AHNAK: variants seen among roughly 807,000 people sequenced by gnomAD.
AHNAK encodes the protein neuroblast differentiation-associated protein AHNAK.
A neutral mutation model predicts 37.8 loss-of-function variants in AHNAK; 23 were observed. The ratio of observed to expected loss-of-function variants is 0.61; its 90% CI spans 0.44 to 0.86. The LOEUF (loss-of-function observed/expected upper bound fraction) is 0.86. Among genes scored for constraint, AHNAK ranks in the 40% least tolerant of loss-of-function variants. AHNAK has a pLI of 0.00. For missense variants in AHNAK, 7,411 were observed against 7,319.4 expected (o/e 1.01, Z -0.46); for synonymous variants, 2,481 against 2,636.3 (o/e 0.94, Z 1.80).
At position 62,524,287 on chromosome 11, in the gene AHNAK, T is replaced by G; in HGVS notation, c.10130A>C (p.Asp3377Ala). The change falls in exon 5 of 5, where the codon GAT becomes GCT. Residue 3377 changes from aspartate (D) to alanine (A), a missense_variant. Coordinates refer to ENST00000378024, the MANE Select transcript of AHNAK (RefSeq NM_001620.3). ...PEVDVKGKKP[D>A]IDITGPKVDI... The stretch of plus-strand genomic sequence containing the variant: ...AACTTTTGGACCTGTTATGTCAATA[T>G]CTGGCTTTTTACCTTTGACATCCAC... The G allele has an allele frequency of 6.2e-7, 1 of 1,613,958 alleles. No homozygotes were observed. Among genetic ancestry groups the G allele is most frequent in the Non-Finnish European group, 8.5e-7 (1 of 1,179,992 alleles).
chr11:62,525,391 G>A lies in AHNAK; in HGVS notation c.9026C>T (p.Pro3009Leu), dbSNP rs199651989. The change falls in exon 5 of 5, where the codon CCG (proline) becomes CTG (leucine). Residue 3009 changes from proline to leucine, a missense_variant. Pro to Leu is a moderately conservative substitution (Grantham distance 98). Coordinates refer to ENST00000378024, the MANE Select transcript of AHNAK (RefSeq NM_001620.3). Reference protein sequence around the residue: ...IRGPQVDIDVPDVGVQGPDWH... With the variant: ...IRGPQVDIDVLDVGVQGPDWH... ...GTCTGGGCCTTGAACGCCCACATCCGGGACATCAATGTCCACTTGGGGACC... is the reference window on the plus strand; with the variant it reads ...GTCTGGGCCTTGAACGCCCACATCCAGGACATCAATGTCCACTTGGGGACC... 1.3e-4 allele frequency: 207 copies of A among 1,613,212 alleles called. No individual in the cohort carries two copies. In the East Asian group the frequency reaches 2.4e-3, roughly 19 times the overall value.
In AHNAK at chr11:62,533,661, C is replaced by A. The variant is rs151020049; in HGVS notation, c.756G>T (p.Lys252Asn). 6.2e-7 allele frequency: 1 copy of A among 1,614,126 alleles called. No homozygotes were observed. Reference protein sequence around the residue: ...SKLQVTMPGIKVGGSGVNVNA... With the variant: ...SKLQVTMPGINVGGSGVNVNA... ...TGACATTGACACCTGAGCCTCCCACCTTTATCCCAGGCATGGTGACCTGGA... is the reference window on the plus strand; with the variant it reads ...TGACATTGACACCTGAGCCTCCCACATTTATCCCAGGCATGGTGACCTGGA... The change falls in exon 5 of 5, where the codon AAG becomes AAT. Residue 252 changes from lysine to asparagine, a missense_variant. Coordinates refer to ENST00000378024, the MANE Select transcript of AHNAK (RefSeq NM_001620.3).
At chr11:62,485,288 C>T (rs965210975) in intron 5 of AHNAK, among the ~76,000 whole-genome samples, 3 of 151,902 alleles carry the variant, frequency 2.0e-5, no homozygotes, top group Non-Finnish European at 2.9e-5. Flanking sequence ...TGTACTGGGG[C>T]GGCTGAGGTG....
intron 4 of AHNAK, among the ~76,000 whole-genome samples, chr11:62,506,162 TCACGC>T (rs964309434): frequency 1.6e-4 from 24 of 150,852 alleles, no homozygotes; most frequent in Admixed American, 1.1e-3. Context: ...TGAGCCATGA[TCACGC>T]CACAGCACTC....
At position 62,533,713 on chromosome 11, in the gene AHNAK, T is replaced by G; in HGVS notation, c.704A>C (p.Glu235Ala). ...CTTCGAGTGGCCAGCACCTTGGAGC[T>G]CTGGTCCTGAAGCAGAAATGGCCCC... ...RAGAISASGP[E>A]LQGAGHSKLQ... The change falls in exon 5 of 5, where the codon GAG becomes GCG. Residue 235 changes from glutamate to alanine, a missense_variant. Physicochemically the swap from Glu to Ala is moderately radical, Grantham distance 107. Transcript: ENST00000378024. The G allele has an allele frequency of 6.2e-7, 1 of 1,614,034 alleles. No individual in the cohort carries two copies. Among genetic ancestry groups the G allele is most frequent in the Non-Finnish European group, 8.5e-7 (1 of 1,180,012 alleles).
rs182191143 is a variant in AHNAK, at chr11:62,438,375, G to T, written c.443-4484C>A. Among the ~76,000 whole-genome samples, 5 of 151,886 alleles carry T rather than the reference G, an allele frequency of 3.3e-5. No homozygotes were observed. The East Asian group carries it at 9.7e-4, about 29-fold the overall frequency. Reference sequence around the variant, plus strand: ...TTTTTGTATTTTTAGTAGAGACAGGGTTTCACCGTGTTTATCAGGCTGGTC... The same window carrying T: ...TTTTTGTATTTTTAGTAGAGACAGGTTTTCACCGTGTTTATCAGGCTGGTC... On this transcript the variant is annotated intron_variant, in intron 5 of 5. Coordinates refer to the AHNAK transcript ENST00000257247.
rs757910175 is a variant in AHNAK at position 62,528,605 on chromosome 11, C to T, written c.5812G>A (p.Gly1938Arg). The change falls in exon 5 of 5, where the codon GGG (glycine) becomes AGG (arginine). Residue 1938 changes from glycine (G) to arginine (R), a missense_variant. Transcript: ENST00000378024. Reference protein sequence around the residue: ...DLHLKGPKVKGDVDVSVPKLE... With the variant: ...DLHLKGPKVKRDVDVSVPKLE... ...TTTGGCACCGACACATCCACATCCC[C>T]TTTGACTTTGGGGCCTTTCAAGTGT... The T allele has an allele frequency of 1.4e-5, 23 of 1,610,602 alleles. No individual in the cohort carries two copies. Among genetic ancestry groups the T allele is most frequent in the African/African-American group, 2.7e-5 (2 of 74,380 alleles).
rs762257004 is a variant in AHNAK at position 62,531,392 on chromosome 11, G to C, written c.3025C>G (p.Pro1009Ala). The change falls in exon 5 of 5, where the codon CCC becomes GCC. Residue 1009 changes from proline (P) to alanine (A), a missense_variant. Physicochemically the swap from Pro to Ala is conservative, Grantham distance 27. Coordinates refer to ENST00000378024, the MANE Select transcript of AHNAK (RefSeq NM_001620.3). ...TCTGGCCCCTCTCCTTTGAGGCTGG[G>C]CATGCTAAATTTGGGCATTTTAATC... ...PKIKMPKFSM[P>A]SLKGEGPEFD... The C allele has an allele frequency of 3.0e-5, 48 of 1,614,050 alleles. No individual in the cohort carries two copies. In the Middle Eastern group the frequency reaches 9.9e-4, roughly 33 times the overall value.
rs1334525229 is a variant in AHNAK at position 62,527,100 on chromosome 11, A to T, written c.7317T>A (p.Pro2439=). The T allele has an allele frequency of 3.1e-6, 5 of 1,614,130 alleles. No individual in the cohort carries two copies. Among genetic ancestry groups the T allele is most frequent in the Non-Finnish European group, 4.2e-6 (5 of 1,180,034 alleles). The change falls in exon 5 of 5, where the codon CCT becomes CCA. Residue 2439 remains proline, a synonymous_variant. Transcript: ENST00000378024. ...AATGCATATCAGGCATCTTGAACTT[A>T]GGGCCTTTCAATTTGCCCTCTGGTC... ...IEGPEGKLKG[P]KFKMPDMHFK... is the part of the protein sequence containing the mutation.
intron 5 of AHNAK, among the ~76,000 whole-genome samples, chr11:62,442,667 T>C (rs1458186182): frequency 6.6e-6 from 1 of 152,010 alleles, no homozygotes; most frequent in Non-Finnish European, 1.5e-5. Flanking sequence ...GGTCAGGAGT[T>C]CCAGACCAGC....
chr11:62,438,235 G>A (rs1357727358), intron 5 of AHNAK, among the ~76,000 whole-genome samples: 2 of 120,490 alleles, frequency 1.7e-5, no homozygotes, highest in Non-Finnish European at 3.4e-5. Context: ...CCAGGCTGGA[G>A]TGCAGTGGTG....
chr11:62,465,393 T>C (rs894342651), intron 5 of AHNAK, among the ~76,000 whole-genome samples: 4 of 152,088 alleles, frequency 2.6e-5, no homozygotes, highest in Non-Finnish European at 4.4e-5. Flanking sequence ...GGTGGGTGGA[T>C]CATGAGGTCA....
intron 5 of AHNAK, among the ~76,000 whole-genome samples, chr11:62,443,460 T>C (rs1300131620): frequency 1.3e-5 from 2 of 151,730 alleles, no homozygotes; most frequent in Non-Finnish European, 2.9e-5. Context: ...TTAGTAGAGA[T>C]GGGGTTTCTC....
intron 5 of AHNAK, among the ~76,000 whole-genome samples, chr11:62,468,622 A>G (rs2513046): frequency 0.87 from 132,328 of 152,062 alleles, 57,967 homozygotes; most frequent in South Asian, 0.96. Context: ...GAGGGATAAC[A>G]GCCGAATCCT....
intron 4 of AHNAK, among the ~76,000 whole-genome samples, chr11:62,502,969 C>T (rs1236525878): frequency 2.0e-5 from 3 of 152,156 alleles, no homozygotes; most frequent in Non-Finnish European, 4.4e-5. Flanking sequence ...ATGTAGTGTT[C>T]GGAGCCACCT....
intron 5 of AHNAK, among the ~76,000 whole-genome samples, chr11:62,459,339 A>T (rs1938736692): frequency 6.6e-6 from 1 of 152,154 alleles, no homozygotes; most frequent in Admixed American, 6.5e-5. Flanking sequence ...CAAAACCTTC[A>T]GTCTACACTG....
intron 5 of AHNAK, among the ~76,000 whole-genome samples, chr11:62,462,342 G>C (rs1209370314): frequency 1.3e-5 from 2 of 152,170 alleles, no homozygotes; most frequent in Non-Finnish European, 2.9e-5. Flanking sequence ...ACACCCAGTG[G>C]ATCAGCAGTT....
In AHNAK at chr11:62,464,438, C is replaced by A. The variant is rs1162620674; in HGVS notation, c.442+27294G>T. Among the ~76,000 whole-genome samples, 6 of 151,414 alleles carry A rather than the reference C, an allele frequency of 4.0e-5. No homozygotes were observed. In the East Asian group the frequency reaches 1.2e-3, roughly 30 times the overall value. On this transcript the variant is annotated intron_variant, in intron 5 of 5. Transcript: ENST00000257247. ...ATCCCAGCACTTTGGGAGGCTGAAG[C>A]GGGTGGATCACCTGAGGTCAGGAGT...
At position 62,529,688 on chromosome 11, in the gene AHNAK, G is replaced by A. The variant is rs372422895; in HGVS notation, c.4729C>T (p.His1577Tyr). 1.9e-6 allele frequency: 3 copies of A among 1,613,922 alleles called. No homozygotes were observed. In the African/African-American group the frequency reaches 4.0e-5, roughly 22 times the overall value. The change falls in exon 5 of 5, where the codon CAC becomes TAC. Residue 1577 changes from histidine to tyrosine, a missense_variant. His to Tyr is a moderately conservative substitution (Grantham distance 83). Transcript: ENST00000378024. Reference protein sequence around the residue: ...FKMPSMNIQTHKISMPDVGLN... With the variant: ...FKMPSMNIQTYKISMPDVGLN... Reference sequence around the variant, plus strand: ...CCAACATCAGGCATAGAGATTTTGTGCGTCTGTATATTCATGCTTGGCATC... The same window carrying A: ...CCAACATCAGGCATAGAGATTTTGTACGTCTGTATATTCATGCTTGGCATC...
Sources: gnomAD v4.1 joint callset for allele counts (sites outside exome capture counted in the v4.1 genomes callset) on GRCh38, gnomAD v4.1.1 for gene constraint, MANE v1.5 for transcripts, NCBI Gene and HGNC (gene_info 2026-07-23, HGNC 2026-07-21) for gene names.